Variants in CACNA2D3 observed in about 807,000 individuals in gnomAD.
CACNA2D3 encodes the protein calcium voltage-gated channel auxiliary subunit alpha2delta 3, also known as voltage-dependent calcium channel subunit alpha-2/delta-3.
CACNA2D3 carries 60 observed loss-of-function variants against 160.6 expected under a neutral mutation model. That is an observed-to-expected ratio of 0.37 (90% CI 0.30 to 0.46). CACNA2D3 has a LOEUF of 0.46. Among genes scored for constraint, CACNA2D3 ranks in the 20% least tolerant of loss-of-function variants. The probability of loss-of-function intolerance (pLI) is 1.00; values close to 1 mark genes in which losing one functional copy is unlikely to be tolerated. For missense variants in CACNA2D3, 1,205 were observed against 1,365.0 expected, an observed-to-expected ratio of 0.88 and a Z score of 1.85; for synonymous variants, 558 against 492.9, an observed-to-expected ratio of 1.13 and a Z score of -1.75.
chr3:54,124,631 CAG>C (rs1699550253), intron 2 of CACNA2D3, among the ~76,000 whole-genome samples: 1 of 152,212 alleles, frequency 6.6e-6, no homozygotes, highest in Non-Finnish European at 1.5e-5. Flanking sequence ...CATTCCCCTT[CAG>C]AGAGTAGCAT....
chr3:54,487,549 A>T (rs1701034603), intron 4 of CACNA2D3, among the ~76,000 whole-genome samples: 1 of 152,222 alleles, frequency 6.6e-6, no homozygotes, highest in African/African-American at 2.4e-5. Context: ...TACTTATTCA[A>T]ATCATATTCG....
chr3:54,854,849 G>A lies in CACNA2D3; in HGVS notation c.1626+8382G>A, dbSNP rs568445665. ...AATGTGTCAAGCAAAAAGTAAATTC[G>A]GGTCAGTCTTCAGAAGAAAAACCAA... On this transcript the variant is annotated intron_variant, in intron 17 of 37. Transcript: ENST00000474759. Among the ~76,000 whole-genome samples, 4 of 152,196 alleles carry A rather than the reference G, an allele frequency of 2.6e-5. 1 individual carries two copies. The South Asian group carries it at 6.2e-4, about 24-fold the overall frequency.
intron 11 of CACNA2D3, among the ~76,000 whole-genome samples, chr3:54,734,316 A>G (rs1279097854): frequency 2.0e-5 from 3 of 152,196 alleles, no homozygotes; most frequent in Non-Finnish European, 4.4e-5. Context: ...GGACATGCAT[A>G]TCAGAAAGAA....
intron 2 of CACNA2D3, among the ~76,000 whole-genome samples, chr3:54,191,403 TCA>T (rs1559877265): frequency 1.1e-5 from 1 of 91,066 alleles, no homozygotes; most frequent in East Asian, 6.5e-4. Flanking sequence ...ATCAACATCA[TCA>T]TCATCATCAT....
intron 2 of CACNA2D3, among the ~76,000 whole-genome samples, chr3:54,228,004 A>G (rs189843380): frequency 4.6e-5 from 7 of 152,132 alleles, no homozygotes; most frequent in Admixed American, 6.5e-5. Context: ...TCTTTGTTCT[A>G]CCATGTTCTT....
intron 10 of CACNA2D3, among the ~76,000 whole-genome samples, chr3:54,636,360 G>T (rs2106833735): frequency 6.6e-6 from 1 of 152,122 alleles, no homozygotes; most frequent in East Asian, 1.9e-4. Flanking sequence ...AGAATAATGT[G>T]GGAGGCCGGA....
At chr3:54,564,072 A>C (rs1702369742) in intron 6 of CACNA2D3, among the ~76,000 whole-genome samples, 1 of 152,216 alleles carries the variant, frequency 6.6e-6, no homozygotes, top group Non-Finnish European at 1.5e-5. Flanking sequence ...GATACACTCA[A>C]CAGAGAGCAA....
chr3:54,197,405 A>C (rs1299946178), intron 2 of CACNA2D3: 1 of 152,382 alleles, frequency 6.6e-6, no homozygotes. Context: ...CTGACAGCCT[A>C]CTTCAAGTCC....
At chr3:54,609,469 T>C (rs1698701778) in intron 9 of CACNA2D3, among the ~76,000 whole-genome samples, 1 of 152,212 alleles carries the variant, frequency 6.6e-6, no homozygotes, top group Non-Finnish European at 1.5e-5. Context: ...CAAGGATGGC[T>C]GTGGAAACCT....
chr3:54,650,992 T>C (rs1407151000), intron 11 of CACNA2D3, among the ~76,000 whole-genome samples: 3 of 152,170 alleles, frequency 2.0e-5, no homozygotes, highest in African/African-American at 7.2e-5. Context: ...AACTGAGGCA[T>C]GAAGAGGCTA....
chr3:54,662,019 G>T (rs2106882730), intron 11 of CACNA2D3, among the ~76,000 whole-genome samples: 1 of 152,182 alleles, frequency 6.6e-6, no homozygotes, highest in South Asian at 2.1e-4. Context: ...GTTAAAATTA[G>T]ATATTATTTT....
At chr3:54,870,407 C>T (rs746686972) in intron 17 of CACNA2D3, among the ~76,000 whole-genome samples, 19 of 152,254 alleles carry the variant, frequency 1.2e-4, no homozygotes, top group Middle Eastern at 3.4e-3. Flanking sequence ...GATGACCAAG[C>T]TGGAGAGAAA....
intron 9 of CACNA2D3, chr3:54,626,218 G>T: frequency 1.1e-6 from 1 of 893,138 alleles, no homozygotes; most frequent in Non-Finnish European, 1.8e-6. Flanking sequence ...CGGCAAGATG[G>T]CAGAAGTAGA....
chr3:54,554,547 AT>A (rs1329498604), intron 5 of CACNA2D3, among the ~76,000 whole-genome samples: 1 of 152,056 alleles, frequency 6.6e-6, no homozygotes, highest in Non-Finnish European at 1.5e-5. Context: ...GGACTAGTGA[AT>A]GGGCCCTGGT....
At position 54,457,085 on chromosome 3, in the gene CACNA2D3, A is replaced by C. The variant is rs1402069083; in HGVS notation, c.382-46407A>C. 6.0e-5 allele frequency among the ~76,000 whole-genome samples: 9 copies of C among 149,118 alleles called. No homozygotes were observed. The East Asian group carries it at 1.4e-3, about 23-fold the overall frequency. ...TTTTTGTTCTGTTGGTCTCAATTTTATTTCTTTCTTTCCATGTACTAATTT... is the reference window on the plus strand; with the variant it reads ...TTTTTGTTCTGTTGGTCTCAATTTTCTTTCTTTCTTTCCATGTACTAATTT... On this transcript the variant is annotated intron_variant, in intron 4 of 37. Transcript: ENST00000474759.
At chr3:54,458,930 A>AC (rs886368643) in intron 4 of CACNA2D3, among the ~76,000 whole-genome samples, 2 of 150,792 alleles carry the variant, frequency 1.3e-5, no homozygotes, top group Admixed American at 6.6e-5. Flanking sequence ...AACTTCCCCC[A>AC]CCCCACAACA....
chr3:54,800,224 G>A (rs1391098020), intron 13 of CACNA2D3, among the ~76,000 whole-genome samples: 11 of 152,218 alleles, frequency 7.2e-5, no homozygotes, highest in African/African-American at 1.4e-4. Flanking sequence ...CTACACTGCC[G>A]CCTTCGATGA....
chr3:55,045,975 G>A (rs1425870768), intron 35 of CACNA2D3, among the ~76,000 whole-genome samples: 1 of 151,752 alleles, frequency 6.6e-6, no homozygotes, highest in Non-Finnish European at 1.5e-5. Flanking sequence ...TAGAAACTCA[G>A]ATTATTGATT....
intron 18 of CACNA2D3, among the ~76,000 whole-genome samples, chr3:54,878,220 A>G (rs933057690): frequency 7.2e-5 from 11 of 152,134 alleles, no homozygotes; most frequent in African/African-American, 2.7e-4. Context: ...AGGGGTGGGG[A>G]GAGAGCCTTT....
Sources: allele counts gnomAD v4.1 joint callset (sites outside exome capture counted in the v4.1 genomes callset), GRCh38; gene constraint gnomAD v4.1.1; transcripts MANE v1.5; gene names NCBI Gene and HGNC (gene_info 2026-07-23, HGNC 2026-07-21).